The following IARS1 variants were observed in gnomAD, a reference collection of about 807,000 sequenced individuals.
IARS1 encodes isoleucine--tRNA ligase, cytoplasmic.
IARS1 carries 124 observed loss-of-function variants against 168.2 expected under a neutral mutation model. The observed-to-expected ratio is 0.74, with a 90% CI of 0.64 to 0.86. The LOEUF is 0.86. IARS1 is among the 40% of genes least tolerant of loss of function. The probability of loss-of-function intolerance (pLI) is 0.00; values close to 1 mark genes in which losing one functional copy is unlikely to be tolerated. For missense variants in IARS1, 1,452 were observed against 1,515.8 expected, an observed-to-expected ratio of 0.96 and a Z score of 0.70; for synonymous variants, 532 against 529.4, an observed-to-expected ratio of 1.00 and a Z score of -0.07.
At chr9:92,288,083 TAAA>T (rs371858783) in intron 3 of IARS1, 40 bp downstream of exon 3, 5 of 1,581,308 alleles carry the variant, frequency 3.2e-6, no homozygotes, top group Non-Finnish European at 4.3e-6. Context: ...CTAATGCTTA[TAAA>T]AAAAATCAGA....
At chr9:92,247,625 G>A in intron 25 of IARS1, 74 bp from the exon 26 acceptor site, 2 of 1,330,010 alleles carry the variant, frequency 1.5e-6, no homozygotes, top group Non-Finnish European at 2.1e-6. Flanking sequence ...TAGGTCCACA[G>A]CAGCATTATT....
intron 31 of IARS1, among the ~76,000 whole-genome samples, chr9:92,225,602 G>A (rs926165263): frequency 1.3e-5 from 2 of 148,984 alleles, no homozygotes; most frequent in Non-Finnish European, 3.0e-5. Context: ...ATCTACTAGG[G>A]TCTTTATTTG....
intron 25 of IARS1, among the ~76,000 whole-genome samples, chr9:92,249,467 C>T (rs546683194): frequency 7.2e-5 from 11 of 152,210 alleles, no homozygotes; most frequent in East Asian, 1.9e-4. Context: ...ACAGGAGAAT[C>T]GCTTGAACCC....
chr9:92,234,021 A>G (rs1253893762), intron 30 of IARS1, among the ~76,000 whole-genome samples: 1 of 152,202 alleles, frequency 6.6e-6, no homozygotes, highest in Non-Finnish European at 1.5e-5. Context: ...TAAGCCTCCC[A>G]AAATGCTGGG....
In IARS1 at chr9:92,264,971, G is replaced by A. The variant is rs1457602160; in HGVS notation, c.1658C>T (p.Pro553Leu). The A allele has an allele frequency of 1.2e-6, 2 of 1,614,140 alleles. No homozygotes were observed. The highest frequency in any genetic ancestry group is 1.7e-6 in the Non-Finnish European group (2 of 1,180,010). ...ENKREFEDAF[P>L]ADFIAEGIDQ... ...GATGCCCTCGGCAATGAAATCTGCA[G>A]GAAAAGCATCCTCAAACTCCCTCTT... is the stretch of plus-strand genomic sequence containing the variant. The change falls in exon 16 of 34, where the codon CCT (proline) becomes CTT (leucine). Residue 553 changes from proline to leucine, a missense_variant. Transcript: ENST00000443024.
Position 92,287,897 on chromosome 9 carries a change from T to A in IARS1, c.290A>T (p.Asp97Val). Reference sequence around the variant, plus strand: ...TGGTCCTCTGATTCCCAGTGTCTTATCAATTTCATATTCCTGAAAATTTGT... The same window carrying A: ...TGGTCCTCTGATTCCCAGTGTCTTAACAATTTCATATTCCTGAAAATTTGT... The part of the protein sequence containing the change: ...CHGLPVEYEI[D>V]KTLGIRGPED... The change falls in exon 4 of 34, where the codon GAT becomes GTT. Residue 97 changes from aspartate (D) to valine (V), a missense_variant. By Grantham distance (152) the Asp-to-Val change is radical. Transcript: ENST00000443024. 6.2e-7 allele frequency: 1 copy of A among 1,613,904 alleles called. No homozygotes were observed. Among genetic ancestry groups the A allele is most frequent in the Non-Finnish European group, 8.5e-7 (1 of 1,179,936 alleles).
intron 14 of IARS1, among the ~76,000 whole-genome samples, chr9:92,266,103 T>C (rs1832257097): frequency 6.6e-6 from 1 of 152,190 alleles, no homozygotes; most frequent in Non-Finnish European, 1.5e-5. Flanking sequence ...TCCACCCCAG[T>C]ATCAGAGGGA....
intron 20 of IARS1, among the ~76,000 whole-genome samples, chr9:92,255,068 G>C (rs529462965): frequency 6.6e-6 from 1 of 152,278 alleles, no homozygotes; most frequent in Non-Finnish European, 1.5e-5. Flanking sequence ...CATGTCTGGG[G>C]AGTGTGCTGG....
chr9:92,255,197 G>A (rs934808905), intron 20 of IARS1, among the ~76,000 whole-genome samples: 10 of 152,182 alleles, frequency 6.6e-5, no homozygotes, highest in African/African-American at 2.2e-4. Context: ...TAACAAGGTG[G>A]ACAAATCCTG....
At chr9:92,282,881 G>A (rs1347672833) in intron 6 of IARS1, among the ~76,000 whole-genome samples, 1 of 145,252 alleles carries the variant, frequency 6.9e-6, no homozygotes, top group Non-Finnish European at 1.5e-5. Context: ...TTGAGACAGA[G>A]TCTAACTCTG....
intron 33 of IARS1, among the ~76,000 whole-genome samples, chr9:92,217,460 C>A (rs947367814): frequency 5.7e-5 from 8 of 140,418 alleles, no homozygotes; most frequent in South Asian, 2.2e-4. Flanking sequence ...ACAAAAAACC[C>A]TTCAAAAAAT....
chr9:92,219,313 C>G (rs1049443426), intron 33 of IARS1, among the ~76,000 whole-genome samples: 1 of 152,036 alleles, frequency 6.6e-6, no homozygotes, highest in Non-Finnish European at 1.5e-5. Context: ...ACCATAAAAA[C>G]CCTAGAAGAA....
At chr9:92,222,422 C>T in intron 33 of IARS1, 98 bp downstream of exon 33, 1 of 638,614 alleles carries the variant, frequency 1.6e-6, no homozygotes, top group Admixed American at 3.2e-5. Flanking sequence ...AACAGGATAA[C>T]AATAGTACTA....
intron 24 of IARS1, 107 bp from the exon 25 acceptor site, chr9:92,250,048 G>T: frequency 1.2e-6 from 1 of 867,828 alleles, no homozygotes; most frequent in Non-Finnish European, 1.9e-6. Context: ...AGTCAGGCTG[G>T]ACTAGTACTA....
At chr9:92,235,769 C>A (rs1424413119) in intron 30 of IARS1, among the ~76,000 whole-genome samples, 3 of 151,966 alleles carry the variant, frequency 2.0e-5, no homozygotes, top group Admixed American at 2.0e-4. Context: ...TTGTGATCCA[C>A]CCGCCTCAGC....
At chr9:92,278,410 T>A in intron 7 of IARS1, 124 bp from the exon 8 acceptor site, 1 of 693,164 alleles carries the variant, frequency 1.4e-6, no homozygotes. Context: ...CTGTACCCAG[T>A]ACTCACAGAG....
Position 92,265,544 on chromosome 9 carries a change from T to A in IARS1, c.1441A>T (p.Ile481Phe). ...VSDDFEEVVC[I>F]GSVAELEELS... Reference sequence around the variant, plus strand: ...TCTTCAAGTTCCGCCACTGACCCAATGCATACCACCTGTCAAAAACAAAGT... The same window carrying A: ...TCTTCAAGTTCCGCCACTGACCCAAAGCATACCACCTGTCAAAAACAAAGT... Residue 481 changes from isoleucine (I) to phenylalanine (F), a missense_variant, in exon 15 of 34, where the codon ATT becomes TTT. Ile to Phe is a conservative substitution (Grantham distance 21). Transcript: ENST00000443024. 6.2e-7 allele frequency: 1 copy of A among 1,613,986 alleles called. No homozygotes were observed. The highest frequency in any genetic ancestry group is 8.5e-7 in the Non-Finnish European group (1 of 1,179,896).
chr9:92,265,063 T>G lies in IARS1; in HGVS notation c.1566A>C (p.Glu522Asp). The G allele has an allele frequency of 6.2e-7, 1 of 1,614,056 alleles. No individual in the cohort carries two copies. Among genetic ancestry groups the G allele is most frequent in the Non-Finnish European group, 8.5e-7 (1 of 1,179,994 alleles). Residue 522 changes from glutamate to aspartate, a missense_variant, in exon 16 of 34, where the codon GAA becomes GAC. Physicochemically the swap from Glu to Asp is conservative, Grantham distance 45 (BLOSUM62 2). Coordinates refer to ENST00000443024, the MANE Select transcript of IARS1 (RefSeq NM_002161.6). ...CGKGSLHRIS[E>D]VFDCWFESGS... The stretch of plus-strand genomic sequence containing the variant: ...CACTCTCAAACCAACAGTCAAACAC[T>G]TCAGAGATGCGGTGCAAGGATCCCT...
intron 25 of IARS1, among the ~76,000 whole-genome samples, chr9:92,248,411 AC>A (rs1829526895): frequency 6.6e-6 from 1 of 152,216 alleles, no homozygotes; most frequent in Admixed American, 6.5e-5. Flanking sequence ...GGTGGCGCAA[AC>A]TTGTAATCTT....
Sources: allele counts gnomAD v4.1 joint callset (sites outside exome capture counted in the v4.1 genomes callset), GRCh38; gene constraint gnomAD v4.1.1; transcripts MANE v1.5; gene names NCBI Gene and HGNC (gene_info 2026-07-23, HGNC 2026-07-21).